CROCC: variants seen among roughly 807,000 people sequenced by gnomAD.
The protein encoded by CROCC is ciliary rootlet coiled-coil, rootletin, also known as rootletin.
A neutral mutation model predicts 245.2 loss-of-function variants in CROCC; 180 were observed. The observed-to-expected ratio is 0.73, with a 90% CI of 0.65 to 0.83. The LOEUF is 0.83. Among genes scored for constraint, CROCC ranks in the 40% least tolerant of loss-of-function variants. The pLI is 0.00. For missense variants in CROCC, 2,688 were observed against 2,779.4 expected, an observed-to-expected ratio of 0.97 and a Z score of 0.74; for synonymous variants, 1,205 against 1,241.6, an observed-to-expected ratio of 0.97 and a Z score of 0.62.
At position 16,956,151 on chromosome 1, in the gene CROCC, C is replaced by G. The variant is rs948377718; in HGVS notation, c.3859C>G (p.Arg1287Gly). Reference sequence around the variant, plus strand: ...TCGGCGGGAGCTGCAGGAGCTCCGGCGTCAGGTACTCTCCCTGTGCCACCC... The same window carrying G: ...TCGGCGGGAGCTGCAGGAGCTCCGGGGTCAGGTACTCTCCCTGTGCCACCC... ...EARRELQELR[R>G]QMKMLDSENT... Residue 1287 changes from arginine to glycine, a missense_variant, in exon 25 of 37, where the codon CGT (arginine) becomes GGT (glycine). Arg to Gly is a moderately radical substitution (Grantham distance 125). Around this residue, in one of 9 missense-constraint regions of CROCC, gnomAD observed 1,218 missense variants for 1,286.3 expected, o/e 0.95. Transcript: ENST00000375541. 1 of 1,541,272 alleles carries G rather than the reference C, an allele frequency of 6.5e-7. No homozygotes were observed. Among genetic ancestry groups the G allele is most frequent in the African/African-American group, 1.4e-5 (1 of 73,050 alleles).
intron 2 of CROCC, among the ~76,000 whole-genome samples, 170 bp from the exon 3 acceptor site, chr1:16,924,155 C>T (rs60010630): frequency 0.16 from 24,117 of 148,334 alleles, no homozygotes; most frequent in East Asian, 0.32. Flanking sequence ...AGCTTTGTAT[C>T]CCCTCCTTGC....
chr1:16,938,010 C>T (rs1413387569), intron 10 of CROCC, among the ~76,000 whole-genome samples: 4 of 152,382 alleles, frequency 2.6e-5, no homozygotes, highest in African/African-American at 7.2e-5. Flanking sequence ...AGCCACTAAG[C>T]GGGAGAGTCG....
chr1:16,955,379 T>C lies in CROCC; in HGVS notation c.3533T>C (p.Leu1178Pro). ...CGTGACGGGCTGCGGCGGGAGCTGCTGGAGGCCCAGCGCAAGCTGCGTGAG... is the reference window on the plus strand; with the variant it reads ...CGTGACGGGCTGCGGCGGGAGCTGCCGGAGGCCCAGCGCAAGCTGCGTGAG... ...DARDGLRREL[L>P]EAQRKLRESQ... Residue 1178 changes from leucine to proline, a missense_variant, in exon 24 of 37, where the codon CTG becomes CCG. Physicochemically the swap from Leu to Pro is moderately conservative, Grantham distance 98. This residue lies in a region of CROCC where 1,218 missense variants were observed against 1,286.3 expected (regional missense o/e 0.95). Coordinates refer to ENST00000375541, the MANE Select transcript of CROCC (RefSeq NM_014675.5). 1 of 1,606,296 alleles carries C rather than the reference T, an allele frequency of 6.2e-7. No individual in the cohort carries two copies. The highest frequency in any genetic ancestry group is 8.5e-7 in the Non-Finnish European group (1 of 1,179,412).
At position 16,965,807 on chromosome 1, in the gene CROCC, C is replaced by T. The variant is rs781553427; in HGVS notation, c.4490C>T (p.Pro1497Leu). The T allele has an allele frequency of 2.5e-6, 4 of 1,613,826 alleles. No homozygotes were observed. Among genetic ancestry groups the T allele is most frequent in the Non-Finnish European group, 3.4e-6 (4 of 1,180,040 alleles). The change falls in exon 28 of 37, where the codon CCA (proline) becomes CTA (leucine). Residue 1497 changes from proline to leucine, a missense_variant. By Grantham distance (98) the Pro-to-Leu change is moderately conservative. Around this residue, in one of 9 missense-constraint regions of CROCC, gnomAD observed 1,218 missense variants for 1,286.3 expected, o/e 0.95. Coordinates refer to ENST00000375541, the MANE Select transcript of CROCC (RefSeq NM_014675.5). ...CCATCTCCAGGACCTGCCACCTCCC[C>T]AGCCTCTCCAGACCTGGACCCGGAG... The part of the protein sequence containing the change: ...QPPSPGPATS[P>L]ASPDLDPEAV...
In CROCC at chr1:16,972,448, C is replaced by T; in HGVS notation, c.*2C>T. 1.9e-6 allele frequency: 3 copies of T among 1,610,908 alleles called. No homozygotes were observed. The highest frequency in any genetic ancestry group is 1.3e-5 in the African/African-American group (1 of 74,944). ...CCCTCCGGCCCCCCAGAGAAATGAG[C>T]TCCTGCTGGCATCTGGAGAACACCC... On this transcript the variant is annotated 3_prime_UTR_variant, in exon 37 of 37. Coordinates refer to ENST00000375541, the MANE Select transcript of CROCC (RefSeq NM_014675.5).
chr1:16,914,585 T>G (rs1219554866), intron 1 of CROCC, among the ~76,000 whole-genome samples: 1 of 152,266 alleles, frequency 6.6e-6, no homozygotes, highest in Non-Finnish European at 1.5e-5. Flanking sequence ...GCATCTCCAT[T>G]GTGCGGATGG....
chr1:16,926,384 G>T (rs2100338089), intron 3 of CROCC, among the ~76,000 whole-genome samples: 1 of 152,378 alleles, frequency 6.6e-6, no homozygotes, highest in East Asian at 1.9e-4. Context: ...TTGGTCCAGG[G>T]CTCTGCAGTT....
intron 31 of CROCC, 135 bp from the exon 32 acceptor site, chr1:16,968,980 TG>T: frequency 1.1e-6 from 1 of 879,382 alleles, no homozygotes; most frequent in Non-Finnish European, 1.9e-6. Flanking sequence ...TTAGGAACAC[TG>T]GGTCTCAATG....
At chr1:16,927,756 G>A (rs1382754222) in intron 3 of CROCC, among the ~76,000 whole-genome samples, 3 of 152,262 alleles carry the variant, frequency 2.0e-5, no homozygotes, top group Admixed American at 6.5e-5. Context: ...TGTGGACACC[G>A]CTCACCATTG....
intron 1 of CROCC, among the ~76,000 whole-genome samples, chr1:16,914,870 C>G (rs1406135257): frequency 1.3e-5 from 2 of 152,276 alleles, no homozygotes; most frequent in Admixed American, 6.5e-5. Flanking sequence ...AATGGGGACC[C>G]TGGGGAGGAG....
rs752755383 is a variant in CROCC, at chr1:16,971,661, CT to C, written c.5967+16del. The C allele has an allele frequency of 1.4e-6, 2 of 1,466,640 alleles. No homozygotes were observed. 90.9% of individuals were successfully genotyped at this position (1,466,640 alleles called of 1,614,324 possible). ...CTGGAGGAGCAGGTGTGCAGGCCCC[CT>C]TAGAAGGCTGGGCCAGGATGGATGT... is the stretch of plus-strand genomic sequence containing the variant. On this transcript the variant is annotated intron_variant, in intron 36 of 36. Transcript: ENST00000375541.
At position 16,956,015 on chromosome 1, in the gene CROCC, G is replaced by A. The variant is rs1356457428; in HGVS notation, c.3723G>A (p.Glu1241=). The stretch of plus-strand genomic sequence containing the variant: ...TCTCCAGCCTGAAGCTTGCCAATGA[G>A]GACAAGGAGCAGAAGCTGGCACTCC... ...SERISLKLAN[E]DKEQKLALLE... The change falls in exon 25 of 37, where the codon GAG becomes GAA. Residue 1241 remains glutamate, a synonymous_variant. Coordinates refer to ENST00000375541, the MANE Select transcript of CROCC (RefSeq NM_014675.5). 6.4e-7 allele frequency: 1 copy of A among 1,550,828 alleles called. No homozygotes were observed. Among genetic ancestry groups the A allele is most frequent in the Non-Finnish European group, 8.7e-7 (1 of 1,147,022 alleles).
intron 19 of CROCC, among the ~76,000 whole-genome samples, chr1:16,950,682 C>T (rs1222405044): frequency 6.6e-6 from 1 of 152,230 alleles, no homozygotes; most frequent in East Asian, 1.9e-4. Context: ...GTTTGACATC[C>T]GTCCCATTTG....
In CROCC at chr1:16,936,659, G is replaced by A; in HGVS notation, c.979G>A (p.Glu327Lys). The change falls in exon 9 of 37, where the codon GAG becomes AAG. Residue 327 changes from glutamate to lysine, a missense_variant. Transcript: ENST00000375541. ...TERDLLQLGG[E>K]LARTSRAVQE... ...AAGGGACCTGCTGCAGCTGGGAGGG[G>A]AGCTGGCCCGGACATCACGAGCTGT... 1.3e-6 allele frequency: 2 copies of A among 1,594,284 alleles called. No homozygotes were observed. Among genetic ancestry groups the A allele is most frequent in the Non-Finnish European group, 1.7e-6 (2 of 1,169,894 alleles).
Position 16,956,003 on chromosome 1 carries a change from G to A in CROCC, c.3711G>A (p.Lys1237=), listed in dbSNP as rs915347162. The A allele has an allele frequency of 6.4e-7, 1 of 1,550,444 alleles. No individual in the cohort carries two copies. Among genetic ancestry groups the A allele is most frequent in the South Asian group, 1.2e-5 (1 of 84,042 alleles). The change falls in exon 25 of 37, where the codon AAG becomes AAA. Residue 1237 remains lysine (K), a synonymous_variant. Transcript: ENST00000375541. ...TGACCTCTGCCCTCTCCAGCCTGAA[G>A]CTTGCCAATGAGGACAAGGAGCAGA... The part of the protein sequence containing the change: ...KKAESERISL[K]LANEDKEQKL...
intron 9 of CROCC, 75 bp from the exon 10 acceptor site, chr1:16,937,566 T>C (rs2075819202): frequency 1.6e-6 from 2 of 1,282,748 alleles, no homozygotes; most frequent in East Asian, 2.4e-5. Context: ...TGGAGAAGCA[T>C]GGTGGACACA....
chr1:16,966,348 C>T lies in CROCC; in HGVS notation c.4697-60C>T. On this transcript the variant is annotated intron_variant, in intron 29 of 36. Transcript: ENST00000375541. This position sits in a 1 kb window ranked among gnomAD's most constrained non-coding sequence, Gnocchi z 4.8. ...GGAGTGCAGGCTGGACATTTTGTGA[C>T]CTGGTTTGGGTCTCGGGGCTGTGCT... The T allele has an allele frequency of 4.1e-6, 6 of 1,468,888 alleles. No homozygotes were observed. The highest frequency in any genetic ancestry group is 5.4e-6 in the Non-Finnish European group (6 of 1,108,542). 91.0% of individuals were successfully genotyped at this position (1,468,888 alleles called of 1,614,324 possible). A position where few individuals can be genotyped will look rare whatever the true frequency, so the allele number is the denominator to read the frequency against.
Position 16,970,461 on chromosome 1 carries a change from G to T in CROCC, c.5652+8G>T. 1 of 1,559,738 alleles carries T rather than the reference G, an allele frequency of 6.4e-7. No individual in the cohort carries two copies. The highest frequency in any genetic ancestry group is 2.3e-5 in the East Asian group (1 of 43,440). On this transcript the variant is annotated splice_region_variant and intron_variant, in intron 34 of 36. Transcript: ENST00000375541. ...AGGAGGACGCTGGACAAGGTAGGCT[G>T]CTCCCCAGGCTCTCCCCTCACTTCC...
intron 1 of CROCC, 58 bp from the exon 2 acceptor site, chr1:16,922,605 C>T (rs1450150622): frequency 2.1e-5 from 32 of 1,536,710 alleles, no homozygotes; most frequent in South Asian, 1.9e-4. Flanking sequence ...GCTCTCCCCA[C>T]GAGGCCAGGG....
Sources: allele counts gnomAD v4.1 joint callset (sites outside exome capture counted in the v4.1 genomes callset), GRCh38; gene constraint gnomAD v4.1.1; regional missense constraint gnomAD v4.1.1; non-coding constraint Gnocchi (gnomAD v3.1); transcripts MANE v1.5; gene names NCBI Gene and HGNC (gene_info 2026-07-23, HGNC 2026-07-21).